The following HNRNPR variants were observed in gnomAD, a reference collection of about 807,000 sequenced individuals.
HNRNPR encodes the protein heterogeneous nuclear ribonucleoprotein R.
HNRNPR carries 4 observed loss-of-function variants against 70.3 expected under a neutral mutation model. The ratio of observed to expected loss-of-function variants is 0.06; its 90% confidence interval spans 0.03 to 0.13. The LOEUF is 0.13. Among genes scored for constraint, HNRNPR ranks in the 10% least tolerant of loss-of-function variants. HNRNPR has a pLI of 1.00. For missense variants in HNRNPR, 423 were observed against 788.5 expected (o/e 0.54, Z 5.55); for synonymous variants, 241 against 267.6 (o/e 0.90, Z 0.97).
intron 8 of HNRNPR, among the ~76,000 whole-genome samples, chr1:23,314,045 A>C (rs1645438514): frequency 6.6e-6 from 1 of 152,196 alleles, no homozygotes; most frequent in Non-Finnish European, 1.5e-5. Flanking sequence ...AGTAACTTTC[A>C]AAAGTTCATA....
chr1:23,331,712 T>C (rs1047886959), intron 5 of HNRNPR, among the ~76,000 whole-genome samples: 1 of 151,186 alleles, frequency 6.6e-6, no homozygotes, highest in South Asian at 2.1e-4. Flanking sequence ...CATGAGTCCA[T>C]AGTCCCAGCT....
At position 23,328,010 on chromosome 1, in the gene HNRNPR, A is replaced by AAG. The variant is rs1553157849; in HGVS notation, c.499-4279_499-4278insCT. Among the ~76,000 whole-genome samples, 10 of 151,324 alleles carry AAG rather than the reference A, an allele frequency of 6.6e-5. No individual in the cohort carries two copies. The East Asian group carries it at 1.9e-3, about 29-fold the overall frequency. On this transcript the variant is annotated intron_variant, in intron 5 of 10. Transcript: ENST00000302271. ...GACTCTGTCTCAAAAAAAAAAAAAA[A>AAG]AAAGAAAAGAAAAAAGAAGTCTGAA...
chr1:23,323,175 G>A (rs1198802114), intron 6 of HNRNPR, among the ~76,000 whole-genome samples: 2 of 152,074 alleles, frequency 1.3e-5, no homozygotes, highest in African/African-American at 4.8e-5. Flanking sequence ...CCACTATTAT[G>A]TTCCCCACAG....
At position 23,310,955 on chromosome 1, in the gene HNRNPR, A is replaced by G; in HGVS notation, c.1401T>C (p.Tyr467=). 6.2e-7 allele frequency: 1 copy of G among 1,614,046 alleles called. No homozygotes were observed. The highest frequency in any genetic ancestry group is 8.5e-7 in the Non-Finnish European group (1 of 1,180,010). The stretch of plus-strand genomic sequence containing the variant: ...CATAGTAATCATCATAGTAATCTTC[A>G]TAGCCGTAGTAATCTGGAGGGTAGC... The part of the protein sequence containing the change: ...GYGYPPDYYG[Y]EDYYDDYYGY... The change falls in exon 11 of 11, where the codon TAT becomes TAC. Residue 467 remains tyrosine (Y), a synonymous_variant. Coordinates refer to ENST00000302271, the MANE Select transcript of HNRNPR (RefSeq NM_005826.5). This position sits in a 1 kb window ranked among gnomAD's most constrained non-coding sequence, Gnocchi z 6.0.
chr1:23,326,081 GTGGTCTCAAACTCC>G (rs1275665760), intron 5 of HNRNPR, among the ~76,000 whole-genome samples: 2 of 152,078 alleles, frequency 1.3e-5, no homozygotes, highest in African/African-American at 4.8e-5. Context: ...GATGCTCAGG[GTGGTCTCAAACTCC>G]TGGACTCAAG....
chr1:23,338,711 C>A (rs377076260), intron 2 of HNRNPR, 103 bp from the exon 3 acceptor site: 2 of 553,116 alleles, frequency 3.6e-6, no homozygotes, highest in East Asian at 6.1e-5. Context: ...TGATCACTAA[C>A]AAACTGTATT....
At chr1:23,319,839 C>T (rs748551320) in intron 7 of HNRNPR, among the ~76,000 whole-genome samples, 2 of 152,148 alleles carry the variant, frequency 1.3e-5, no homozygotes, top group African/African-American at 2.4e-5. Flanking sequence ...AACCTTGGCA[C>T]GTGTTGCTGT....
chr1:23,319,937 C>G (rs1313537807), intron 7 of HNRNPR, among the ~76,000 whole-genome samples: 1 of 152,220 alleles, frequency 6.6e-6, no homozygotes, highest in African/African-American at 2.4e-5. Flanking sequence ...TCAGAAAAGT[C>G]TTCCAAAACC....
At chr1:23,339,140 A>G (rs1646616735) in intron 2 of HNRNPR, among the ~76,000 whole-genome samples, 1 of 152,244 alleles carries the variant, frequency 6.6e-6, no homozygotes, top group Non-Finnish European at 1.5e-5. Context: ...TGAACACCAA[A>G]GATAAACTGA....
rs1645178474 is a variant in HNRNPR at position 23,304,713 on chromosome 1, A to C, written c.*5741T>G. On this transcript the variant is annotated 3_prime_UTR_variant, in exon 11 of 11. Coordinates refer to ENST00000302271, the MANE Select transcript of HNRNPR (RefSeq NM_005826.5). ...TTTTGAACATGTTAAATTTTATTAA[A>C]AATATTTAACATCGTACAAATATTC... The C allele has an allele frequency of 1.3e-5, 2 of 152,242 alleles. No individual in the cohort carries two copies. Among genetic ancestry groups the C allele is most frequent in the African/African-American group, 4.8e-5 (2 of 41,462 alleles). 9.4% of individuals were successfully genotyped at this position (152,242 alleles called of 1,614,324 possible). A position where few individuals can be genotyped will look rare whatever the true frequency, so the allele number is the denominator to read the frequency against.
chr1:23,327,051 T>C (rs1371608332), intron 5 of HNRNPR, among the ~76,000 whole-genome samples: 1 of 152,128 alleles, frequency 6.6e-6, no homozygotes, highest in African/African-American at 2.4e-5. Flanking sequence ...GAATATAATT[T>C]CTGTTTCTCT....
chr1:23,337,919 TACATA>T, intron 3 of HNRNPR, 58 bp from the exon 4 acceptor site: 7 of 988,274 alleles, frequency 7.1e-6, no homozygotes, highest in Non-Finnish European at 1.1e-5. Context: ...AAGGGTCAGA[TACATA>T]ATTAAATTTA....
intron 5 of HNRNPR, among the ~76,000 whole-genome samples, chr1:23,330,612 A>T (rs141901843): frequency 1.2e-4 from 19 of 152,320 alleles, no homozygotes; most frequent in African/African-American, 3.8e-4. Flanking sequence ...AAAATACTAC[A>T]ACTAGAGTAG....
chr1:23,329,355 A>C (rs891584274), intron 5 of HNRNPR, among the ~76,000 whole-genome samples: 7 of 152,224 alleles, frequency 4.6e-5, no homozygotes, highest in Non-Finnish European at 1.0e-4. Context: ...TTTTAAGCTC[A>C]ATTTTTAATT....
intron 5 of HNRNPR, among the ~76,000 whole-genome samples, chr1:23,328,440 G>C (rs1646084251): frequency 6.6e-6 from 1 of 152,188 alleles, no homozygotes; most frequent in South Asian, 2.1e-4. Context: ...TGAGTTTTCG[G>C]TTATACTGGA....
At chr1:23,330,319 G>T (rs1646165361) in intron 5 of HNRNPR, among the ~76,000 whole-genome samples, 1 of 152,080 alleles carries the variant, frequency 6.6e-6, no homozygotes. Flanking sequence ...GGTGGATCAT[G>T]AGGTCAAGAG....
intron 5 of HNRNPR, among the ~76,000 whole-genome samples, chr1:23,333,086 G>T (rs1646308540): frequency 6.6e-6 from 1 of 152,112 alleles, no homozygotes; most frequent in African/African-American, 2.4e-5. Context: ...GGAGGCTGAG[G>T]CAGGAGAATC....
At position 23,318,708 on chromosome 1, in the gene HNRNPR, A is replaced by T. The variant is rs1177334396; in HGVS notation, c.812-20T>A. 2.5e-6 allele frequency: 4 copies of T among 1,612,922 alleles called. No homozygotes were observed. Among genetic ancestry groups the T allele is most frequent in the Non-Finnish European group, 3.4e-6 (4 of 1,179,194 alleles). ...AACCCTCTGTTAAACCAACAGCCAGATATATAAGCCAAAAGCATCCACCAC... is the reference window on the plus strand; with the variant it reads ...AACCCTCTGTTAAACCAACAGCCAGTTATATAAGCCAAAAGCATCCACCAC... On this transcript the variant is annotated intron_variant, in intron 7 of 10. Coordinates refer to ENST00000302271, the MANE Select transcript of HNRNPR (RefSeq NM_005826.5). The surrounding 1 kb of genome is among the most constrained non-coding windows in gnomAD (Gnocchi z 4.2).
intron 8 of HNRNPR, among the ~76,000 whole-genome samples, chr1:23,315,613 T>C (rs1452585290): frequency 6.6e-6 from 1 of 152,138 alleles, no homozygotes; most frequent in Non-Finnish European, 1.5e-5. Context: ...GGATGCCTTA[T>C]AGGAGACAAA....
Sources: gnomAD v4.1 joint callset for allele counts (sites outside exome capture counted in the v4.1 genomes callset) on GRCh38, gnomAD v4.1.1 for gene constraint, Gnocchi (gnomAD v3.1) non-coding constraint, MANE v1.5 for transcripts, NCBI Gene and HGNC (gene_info 2026-07-23, HGNC 2026-07-21) for gene names.